The following CUEDC2 variants were observed in gnomAD, a reference collection of about 807,000 sequenced individuals.
The protein encoded by CUEDC2 is CUE domain-containing protein 2.
CUEDC2 carries 10 observed loss-of-function variants against 36.0 expected under a neutral mutation model. The observed-to-expected ratio is 0.28, with a 90% CI of 0.17 to 0.47. The LOEUF is 0.47. CUEDC2 is among the 20% of genes least tolerant of loss of function. The pLI, the probability that CUEDC2 is intolerant of heterozygous loss-of-function variation, is 0.99. For missense variants in CUEDC2, 269 were observed against 368.1 expected (o/e 0.73, Z 2.20); for synonymous variants, 133 against 141.8 (o/e 0.94, Z 0.44).
intron 1 of CUEDC2, among the ~76,000 whole-genome samples, chr10:102,425,404 C>G (rs1032900368): frequency 8.0e-5 from 12 of 150,644 alleles, no homozygotes; most frequent in Non-Finnish European, 1.6e-4. Flanking sequence ...TGTCTGGAGA[C>G]AGCCTCTAGA....
In CUEDC2 at chr10:102,424,315, G is replaced by A. The variant is rs770175490; in HGVS notation, c.360C>T (p.Leu120=). Residue 120 remains leucine (L), a synonymous_variant, in exon 5 of 9, where the codon CTC becomes CTT. Transcript: ENST00000369937. The surrounding 1 kb of genome is among the most constrained non-coding windows in gnomAD (Gnocchi z 4.2). ...SPEPLQRPEM[L]KEETRSSAAA... is the part of the protein sequence containing the mutation. Reference sequence around the variant, plus strand: ...CAGCCGAAGACCTAGTCTCTTCTTTGAGCATTTCGGGCCGCTGCAGGGGCT... The same window carrying A: ...CAGCCGAAGACCTAGTCTCTTCTTTAAGCATTTCGGGCCGCTGCAGGGGCT... 3.7e-6 allele frequency: 6 copies of A among 1,614,020 alleles called. No homozygotes were observed. In the African/African-American group the frequency reaches 6.7e-5, roughly 18 times the overall value.
intron 1 of CUEDC2, among the ~76,000 whole-genome samples, chr10:102,431,028 C>T (rs560829969): frequency 6.6e-6 from 1 of 152,366 alleles, no homozygotes; most frequent in African/African-American, 2.4e-5. Flanking sequence ...TTTATTGCCT[C>T]TGCTTACGAG....
chr10:102,431,997 A>C (rs1397245265), intron 1 of CUEDC2, among the ~76,000 whole-genome samples: 2 of 152,076 alleles, frequency 1.3e-5, no homozygotes, highest in Non-Finnish European at 2.9e-5. Context: ...CGAACTTCTC[A>C]GGGAGGCAGC....
chr10:102,428,378 C>T (rs1351523210), intron 1 of CUEDC2, among the ~76,000 whole-genome samples: 1 of 152,210 alleles, frequency 6.6e-6, no homozygotes, highest in Non-Finnish European at 1.5e-5. Context: ...CATTCATTAC[C>T]ACCCACATGC....
Position 102,430,465 on chromosome 10 carries a change from G to A in CUEDC2, c.-11+2061C>T, listed in dbSNP as rs1317361142. ...ATTATAGGCGTGAGCCACCGTGCCCGGCCTGAGAGCCCAGTTTCTAGGGAA... is the reference window on the plus strand; with the variant it reads ...ATTATAGGCGTGAGCCACCGTGCCCAGCCTGAGAGCCCAGTTTCTAGGGAA... On this transcript the variant is annotated intron_variant, in intron 1 of 8. Coordinates refer to ENST00000369937, the MANE Select transcript of CUEDC2 (RefSeq NM_024040.3). 3.3e-5 allele frequency among the ~76,000 whole-genome samples: 5 copies of A among 152,344 alleles called. No individual in the cohort carries two copies. The East Asian group carries it at 5.8e-4, about 18-fold the overall frequency.
In CUEDC2 at chr10:102,429,331, T is replaced by A. The variant is rs766097598; in HGVS notation, c.-11+3195A>T. On this transcript the variant is annotated intron_variant, in intron 1 of 8. Transcript: ENST00000369937. ...AAACAGTTGAACCCCAATTTACCTA[T>A]GAAGAAATGAAGTTCAGTGTGTTTA... 4.6e-5 allele frequency among the ~76,000 whole-genome samples: 7 copies of A among 152,052 alleles called. No homozygotes were observed. In the East Asian group the frequency reaches 1.4e-3, roughly 29 times the overall value.
intron 1 of CUEDC2, among the ~76,000 whole-genome samples, chr10:102,430,767 G>T (rs78678650): frequency 6.6e-6 from 1 of 152,058 alleles, no homozygotes; most frequent in African/African-American, 2.4e-5. Flanking sequence ...ACTTCTCCCC[G>T]CATAGCCCCT....
intron 1 of CUEDC2, among the ~76,000 whole-genome samples, chr10:102,426,436 T>C (rs2061596860): frequency 6.6e-6 from 1 of 152,160 alleles, no homozygotes; most frequent in South Asian, 2.1e-4. Context: ...AACACACATC[T>C]GCTTCATCAG....
rs1308432291 is a variant in CUEDC2, at chr10:102,424,864, C to T, written c.75-72G>A. ...TCCAGCACCCCCACCTATCCTGAGA[C>T]TCCAGCCCTCAGCTTCATGGGGTCT... On this transcript the variant is annotated intron_variant, in intron 2 of 8. Transcript: ENST00000369937. This position sits in a 1 kb window ranked among gnomAD's most constrained non-coding sequence, Gnocchi z 4.2. The T allele has an allele frequency of 1.3e-6, 2 of 1,517,964 alleles. No homozygotes were observed. The highest frequency in any genetic ancestry group is 1.4e-5 in the African/African-American group (1 of 72,358). 94.0% of individuals were successfully genotyped at this position (1,517,964 alleles called of 1,614,324 possible).
chr10:102,429,346 C>T (rs1489437735), intron 1 of CUEDC2, among the ~76,000 whole-genome samples: 1 of 151,988 alleles, frequency 6.6e-6, no homozygotes, highest in African/African-American at 2.4e-5. Flanking sequence ...AAATGAAGTT[C>T]AGTGTGTTTA....
At position 102,424,446 on chromosome 10, in the gene CUEDC2, A is replaced by G. The variant is rs1485931144; in HGVS notation, c.281-52T>C. 15 of 1,614,068 alleles carry G rather than the reference A, an allele frequency of 9.3e-6. No individual in the cohort carries two copies. Among genetic ancestry groups the G allele is most frequent in the Non-Finnish European group, 1.0e-5 (12 of 1,179,966 alleles). Reference sequence around the variant, plus strand: ...TTTGCCAAGGCTCTGGGGAGCAGGCAGTTGGGGGAGCGGGATTATGAATCA... The same window carrying G: ...TTTGCCAAGGCTCTGGGGAGCAGGCGGTTGGGGGAGCGGGATTATGAATCA... On this transcript the variant is annotated intron_variant, in intron 4 of 8. Transcript: ENST00000369937. This position sits in a 1 kb window ranked among gnomAD's most constrained non-coding sequence, Gnocchi z 4.2.
At chr10:102,428,822 G>A (rs2061606862) in intron 1 of CUEDC2, among the ~76,000 whole-genome samples, 1 of 152,148 alleles carries the variant, frequency 6.6e-6, no homozygotes, top group South Asian at 2.1e-4. Flanking sequence ...AGGAGATCAA[G>A]ACCATCTTGG....
rs780595242 is a variant in CUEDC2 at position 102,424,484 on chromosome 10, G to C, written c.280+15C>G. 3 of 1,614,106 alleles carry C rather than the reference G, an allele frequency of 1.9e-6. No homozygotes were observed. The highest frequency in any genetic ancestry group is 2.5e-6 in the Non-Finnish European group (3 of 1,180,004). On this transcript the variant is annotated intron_variant, in intron 4 of 8. Coordinates refer to ENST00000369937, the MANE Select transcript of CUEDC2 (RefSeq NM_024040.3). This position sits in a 1 kb window ranked among gnomAD's most constrained non-coding sequence, Gnocchi z 4.2. The stretch of plus-strand genomic sequence containing the variant: ...GGATTATGAATCACTCAGGTGCCCA[G>C]AGCCCCAGACTCACCTTTGTTCCTG...
At chr10:102,431,285 G>A (rs937254538) in intron 1 of CUEDC2, among the ~76,000 whole-genome samples, 4 of 152,132 alleles carry the variant, frequency 2.6e-5, no homozygotes, top group Admixed American at 6.5e-5. Flanking sequence ...GATTACAGTC[G>A]CATGCCACCA....
rs1158754396 is a variant in CUEDC2, at chr10:102,424,776, T to G, written c.91A>C (p.Ile31Leu). The change falls in exon 3 of 9, where the codon ATC becomes CTC. Residue 31 changes from isoleucine to leucine, a missense_variant. By Grantham distance (5) the Ile-to-Leu change is conservative. Coordinates refer to ENST00000369937, the MANE Select transcript of CUEDC2 (RefSeq NM_024040.3). The surrounding 1 kb of genome is among the most constrained non-coding windows in gnomAD (Gnocchi z 4.2). ...AGGACCCCAAGCACATAGGAGAAGA[T>G]GACCTCATCCAAGCCACTGCAGGAA... ...EADLSGLDEV[I>L]FSYVLGVLED... 5.6e-6 allele frequency: 9 copies of G among 1,613,478 alleles called. No homozygotes were observed. Among genetic ancestry groups the G allele is most frequent in the Non-Finnish European group, 7.6e-6 (9 of 1,179,978 alleles).
chr10:102,428,418 T>G (rs989328071), intron 1 of CUEDC2, among the ~76,000 whole-genome samples: 1 of 152,160 alleles, frequency 6.6e-6, no homozygotes, highest in African/African-American at 2.4e-5. Flanking sequence ...TTTTGGGAGT[T>G]AAAAGCATGT....
chr10:102,428,438 T>G (rs1454919591), intron 1 of CUEDC2, among the ~76,000 whole-genome samples: 1 of 152,184 alleles, frequency 6.6e-6, no homozygotes, highest in Non-Finnish European at 1.5e-5. Flanking sequence ...TAGATGGGAA[T>G]GGAACATGTC....
At chr10:102,430,334 TA>T (rs1488719704) in intron 1 of CUEDC2, among the ~76,000 whole-genome samples, 2 of 149,852 alleles carry the variant, frequency 1.3e-5, no homozygotes, top group African/African-American at 4.9e-5. Flanking sequence ...CATGCTCGGC[TA>T]ATTTTGTATT....
intron 1 of CUEDC2, among the ~76,000 whole-genome samples, chr10:102,428,912 C>T (rs1003879684): frequency 4.0e-5 from 6 of 151,678 alleles, no homozygotes. Context: ...GTCCCAGCTA[C>T]TCAGGAGGCT....
Sources: gnomAD v4.1 joint callset for allele counts (sites outside exome capture counted in the v4.1 genomes callset) on GRCh38, gnomAD v4.1.1 for gene constraint, Gnocchi (gnomAD v3.1) non-coding constraint, MANE v1.5 for transcripts, NCBI Gene and HGNC (gene_info 2026-07-23, HGNC 2026-07-21) for gene names.